The following IL26 variants were observed in gnomAD, a reference collection of about 807,000 sequenced individuals.
IL26 encodes the protein interleukin 26.
IL26 carries 23 observed loss-of-function variants against 21.7 expected under a neutral mutation model. The observed-to-expected ratio is 1.06, with a 90% CI of 0.76 to 1.50. The LOEUF (loss-of-function observed/expected upper bound fraction) is 1.50, where lower values mean the gene tolerates loss of function less well. Ranked by LOEUF, IL26 falls within the 40% of genes most tolerant of loss-of-function variation. The pLI, the probability that IL26 is intolerant of heterozygous loss-of-function variation, is 0.00. For synonymous variants in IL26, 63 were observed against 67.8 expected (o/e 0.93, Z 0.34); for missense variants, 204 against 196.0 (o/e 1.04, Z -0.24).
At chr12:68,208,507 T>C (rs1301796997) in intron 3 of IL26, among the ~76,000 whole-genome samples, 1 of 152,134 alleles carries the variant, frequency 6.6e-6, no homozygotes. Context: ...TCTTTGTTTC[T>C]TTTTTCTTGA....
chr12:68,207,705 G>T (rs375989871), intron 3 of IL26, among the ~76,000 whole-genome samples: 1 of 152,076 alleles, frequency 6.6e-6, no homozygotes, highest in Non-Finnish European at 1.5e-5. Context: ...GCAGCAGACA[G>T]GTTCCCAGTT....
At chr12:68,210,361 A>C (rs112067172) in intron 3 of IL26, among the ~76,000 whole-genome samples, 27 of 62,834 alleles carry the variant, frequency 4.3e-4, no homozygotes, top group Admixed American at 8.4e-4. Context: ...AAAAAAAAAA[A>C]AAAAAAAAAA....
At chr12:68,215,360 A>G (rs1215042192) in intron 3 of IL26, among the ~76,000 whole-genome samples, 3 of 152,098 alleles carry the variant, frequency 2.0e-5, no homozygotes, top group Non-Finnish European at 4.4e-5. Context: ...GTAAAATTCC[A>G]ATTCTGTTAC....
At chr12:68,206,851 C>T (rs1005509817) in intron 3 of IL26, among the ~76,000 whole-genome samples, 8 of 152,134 alleles carry the variant, frequency 5.3e-5, no homozygotes, top group African/African-American at 1.9e-4. Context: ...TGTCTGCTGC[C>T]TCTTGGTTGG....
chr12:68,205,017 C>T (rs1442133713), intron 3 of IL26, among the ~76,000 whole-genome samples: 3 of 152,060 alleles, frequency 2.0e-5, no homozygotes, highest in East Asian at 1.9e-4. Flanking sequence ...AATGGCTGAA[C>T]GATTTGACAA....
chr12:68,210,985 G>A lies in IL26; in HGVS notation c.364-8902C>T, dbSNP rs185271528. On this transcript the variant is annotated intron_variant, in intron 3 of 4. Transcript: ENST00000229134. ...AGATGTAAATATTTTCAGGGTACAT[G>A]TGACATTTTGATGCATTCATATAAT... Among the ~76,000 whole-genome samples, 9 of 152,260 alleles carry A rather than the reference G, an allele frequency of 5.9e-5. No individual in the cohort carries two copies. The East Asian group carries it at 1.7e-3, about 29-fold the overall frequency.
At position 68,203,001 on chromosome 12, in the gene IL26, GA is replaced by G. The variant is rs964297139; in HGVS notation, c.364-919del. Among the ~76,000 whole-genome samples the G allele has an allele frequency of 2.6e-5, 4 of 151,486 alleles. No homozygotes were observed. The South Asian group carries it at 6.3e-4, about 24-fold the overall frequency. On this transcript the variant is annotated intron_variant, in intron 3 of 4. Coordinates refer to ENST00000229134, the MANE Select transcript of IL26 (RefSeq NM_018402.2). ...AGCATGAAGGACATGAGAATGACAA[GA>G]AAAAAAAATTACCTTTTAAAAAATC...
intron 3 of IL26, among the ~76,000 whole-genome samples, chr12:68,210,640 T>TCA (rs1868699102): frequency 6.6e-6 from 1 of 151,944 alleles, no homozygotes; most frequent in African/African-American, 2.4e-5. Flanking sequence ...AACAGAAAAG[T>TCA]TTACAAAACA....
intron 2 of IL26, 45 bp from the exon 3 acceptor site, chr12:68,225,328 G>T (rs373988454): frequency 6.4e-7 from 1 of 1,573,530 alleles, no homozygotes; most frequent in Non-Finnish European, 8.7e-7. Context: ...ATTATGAATC[G>T]TTTTTTAATG....
intron 3 of IL26, among the ~76,000 whole-genome samples, chr12:68,209,804 T>C (rs1395964081): frequency 6.6e-6 from 1 of 152,194 alleles, no homozygotes; most frequent in Non-Finnish European, 1.5e-5. Flanking sequence ...CAGCTACATG[T>C]GTCACGGTTC....
intron 4 of IL26, 37 bp from the exon 5 acceptor site, chr12:68,201,968 T>C (rs771312655): frequency 6.4e-7 from 1 of 1,560,316 alleles, no homozygotes; most frequent in South Asian, 1.2e-5. Flanking sequence ...AATAAATTTT[T>C]CCTATTTTAA....
chr12:68,221,389 C>T (rs1340866971), intron 3 of IL26, among the ~76,000 whole-genome samples: 1 of 152,048 alleles, frequency 6.6e-6, no homozygotes, highest in Non-Finnish European at 1.5e-5. Flanking sequence ...CAAATCCATA[C>T]CCTCAAAATG....
intron 3 of IL26, among the ~76,000 whole-genome samples, chr12:68,211,883 T>G (rs1868742725): frequency 6.6e-6 from 1 of 152,168 alleles, no homozygotes; most frequent in Non-Finnish European, 1.5e-5. Context: ...TAGCTTTACA[T>G]AATCCCATTT....
intron 3 of IL26, among the ~76,000 whole-genome samples, chr12:68,224,295 G>A (rs1448226537): frequency 7.0e-6 from 1 of 142,252 alleles, no homozygotes; most frequent in East Asian, 2.1e-4. Context: ...TTTTTGTTTT[G>A]TTTTGTTTTG....
intron 3 of IL26, among the ~76,000 whole-genome samples, chr12:68,212,758 C>A (rs972661803): frequency 6.6e-6 from 1 of 151,930 alleles, no homozygotes; most frequent in Non-Finnish European, 1.5e-5. Context: ...TGCAAATTTA[C>A]GGAATTTTTT....
At chr12:68,214,948 G>C (rs796438908) in intron 3 of IL26, among the ~76,000 whole-genome samples, 9 of 147,140 alleles carry the variant, frequency 6.1e-5, no homozygotes, top group African/African-American at 2.3e-4. Context: ...TGTCTTCTGT[G>C]GTTATTTTCT....
chr12:68,203,542 G>A lies in IL26; in HGVS notation c.364-1459C>T, dbSNP rs576580528. Among the ~76,000 whole-genome samples, 199 of 152,298 alleles carry A rather than the reference G, an allele frequency of 1.3e-3. 2 individuals carry two copies. Among genetic ancestry groups the A allele is most frequent in the African/African-American group, 4.4e-3 (181 of 41,568 alleles). ...CAGTTAAAGATAAGAGTTAAAACTCGTGAAACGGAAGTGGGTAAATGATAA... is the reference window on the plus strand; with the variant it reads ...CAGTTAAAGATAAGAGTTAAAACTCATGAAACGGAAGTGGGTAAATGATAA... On this transcript the variant is annotated intron_variant, in intron 3 of 4. Coordinates refer to ENST00000229134, the MANE Select transcript of IL26 (RefSeq NM_018402.2).
rs11570985 is a variant in IL26, at chr12:68,223,708, C to T, written c.363+1441G>A. 8.6e-3 allele frequency among the ~76,000 whole-genome samples: 1,307 copies of T among 152,224 alleles called. 20 individuals carry two copies. The highest frequency in any genetic ancestry group is 0.029 in the African/African-American group (1,192 of 41,532). The stretch of plus-strand genomic sequence containing the variant: ...TAGAACAAAATTTCAGGCACCAGAA[C>T]TGGCCCAGAGAATTCTCCCTGTGTT... On this transcript the variant is annotated intron_variant, in intron 3 of 4. Transcript: ENST00000229134.
At chr12:68,216,271 C>T (rs1868876711) in intron 3 of IL26, among the ~76,000 whole-genome samples, 2 of 151,980 alleles carry the variant, frequency 1.3e-5, no homozygotes, top group Admixed American at 1.3e-4. Context: ...AGCCTGACAA[C>T]ACAGCAAGAC....
Sources: allele counts gnomAD v4.1 joint callset (sites outside exome capture counted in the v4.1 genomes callset), GRCh38; gene constraint gnomAD v4.1.1; transcripts MANE v1.5; gene names NCBI Gene and HGNC (gene_info 2026-07-23, HGNC 2026-07-21).